SLC30A7: variants seen among roughly 807,000 people sequenced by gnomAD.
SLC30A7 encodes zinc transporter 7.
In SLC30A7, 35 loss-of-function variants were observed where a neutral mutation model predicts 46.0. That is an observed-to-expected ratio of 0.76 (90% CI 0.58 to 1.01). The LOEUF (loss-of-function observed/expected upper bound fraction) is 1.01, where lower values mean the gene tolerates loss of function less well. Among genes scored for constraint, SLC30A7 ranks in the 50% least tolerant of loss-of-function variants. The probability of loss-of-function intolerance (pLI) is 0.00; values close to 1 mark genes in which losing one functional copy is unlikely to be tolerated. For synonymous variants in SLC30A7, 147 were observed against 157.8 expected (o/e 0.93, Z 0.51); for missense variants, 464 against 451.1 (o/e 1.03, Z -0.26).
chr1:100,913,826 A>C lies in SLC30A7; in HGVS notation c.655+20A>C, dbSNP rs1297857697. On this transcript the variant is annotated intron_variant, in intron 6 of 10. Coordinates refer to ENST00000357650, the MANE Select transcript of SLC30A7 (RefSeq NM_133496.5). ...CTCATGGTGAGTACAGCCTAGAGAC[A>C]AATGGACAGCCTCCAAATAAACAAG... 1 of 1,588,316 alleles carries C rather than the reference A, an allele frequency of 6.3e-7. No homozygotes were observed. Among genetic ancestry groups the C allele is most frequent in the African/African-American group, 1.3e-5 (1 of 74,302 alleles).
At chr1:100,913,927 A>G in intron 6 of SLC30A7, 121 bp downstream of exon 6, 1 of 1,376,864 alleles carries the variant, frequency 7.3e-7, no homozygotes, top group Non-Finnish European at 9.7e-7. Flanking sequence ...CTAATGAATC[A>G]GTCTAAATGG....
rs1656520917 is a variant in SLC30A7, at chr1:100,976,524, CTG to C, written c.*1671_*1672del. On this transcript the variant is annotated 3_prime_UTR_variant, in exon 11 of 11. Coordinates refer to ENST00000357650, the MANE Select transcript of SLC30A7 (RefSeq NM_133496.5). The stretch of plus-strand genomic sequence containing the variant: ...CTTGAGCACTCTACTTAAGTATTCT[CTG>C]TGTTTTATGAAGAGAAAATGATCTG... The C allele has an allele frequency of 6.6e-6, 1 of 152,112 alleles. No individual in the cohort carries two copies. Among genetic ancestry groups the C allele is most frequent in the Non-Finnish European group, 1.5e-5 (1 of 68,024 alleles). The allele number at this position is 152,112 out of a possible 1,614,324, so 9.4% of individuals were successfully genotyped here.
At position 100,974,810 on chromosome 1, in the gene SLC30A7, G is replaced by A. The variant is rs775789583; in HGVS notation, c.1084G>A (p.Ala362Thr). 17 of 1,575,560 alleles carry A rather than the reference G, an allele frequency of 1.1e-5. No individual in the cohort carries two copies. In the East Asian group the frequency reaches 3.6e-4, roughly 33 times the overall value. ...LSQTHNIFTQ[A>T]GVRQLYVQID... ...AACTTTTTTTTTTCTTACTTTTCAG[G>A]CTGGAGTGAGACAGCTCTACGTACA... The change falls in exon 11 of 11, where the codon GCT becomes ACT. Residue 362 changes from alanine to threonine, a missense_variant and splice_region_variant. Coordinates refer to ENST00000357650, the MANE Select transcript of SLC30A7 (RefSeq NM_133496.5).
chr1:100,952,656 G>A (rs142884435), intron 8 of SLC30A7, among the ~76,000 whole-genome samples: 34 of 152,332 alleles, frequency 2.2e-4, no homozygotes, highest in African/African-American at 7.7e-4. Context: ...ACTTTGGAAT[G>A]ACTAGTTCTT....
chr1:100,993,557 T>TAA, the SLC30A7 span, among the ~76,000 whole-genome samples: 1 of 76,934 alleles, frequency 1.3e-5, no homozygotes, highest in African/African-American at 5.1e-5. Flanking sequence ...GTCGAAAATA[T>TAA]AAATATATAT....
intron 8 of SLC30A7, among the ~76,000 whole-genome samples, chr1:100,930,050 T>G (rs1176276507): frequency 3.3e-5 from 5 of 152,028 alleles, no homozygotes; most frequent in Non-Finnish European, 4.4e-5. Flanking sequence ...TTTATTCACT[T>G]AAATGAAAGG....
chr1:100,910,991 T>A, intron 3 of SLC30A7, 72 bp from the exon 4 acceptor site: 1 of 1,181,742 alleles, frequency 8.5e-7, no homozygotes, highest in South Asian at 1.3e-5. Flanking sequence ...AATCTCTGAA[T>A]GTATGTAATT....
intron 8 of SLC30A7, chr1:100,940,965 T>C: frequency 2.6e-6 from 1 of 391,490 alleles, no homozygotes; most frequent in Non-Finnish European, 5.1e-6. Flanking sequence ...GTAGTTTCCC[T>C]GTCACTTCTC....
At chr1:100,921,950 CTTTTTTT>C (rs11166531) in intron 8 of SLC30A7, 109 bp downstream of exon 8, 34 of 398,122 alleles carry the variant, frequency 8.5e-5, no homozygotes, top group East Asian at 3.1e-4. Context: ...CCTTTGCTTG[CTTTTTTT>C]TTTTTTTTTT....
At chr1:100,961,647 T>G (rs1655559403) in intron 8 of SLC30A7, among the ~76,000 whole-genome samples, 181 bp from the exon 9 acceptor site, 2 of 152,254 alleles carry the variant, frequency 1.3e-5, no homozygotes, top group Admixed American at 1.3e-4. Context: ...CTTTTATTTT[T>G]ACTTCAGATA....
chr1:100,958,149 A>G (rs1168071905), intron 8 of SLC30A7, among the ~76,000 whole-genome samples: 2 of 151,534 alleles, frequency 1.3e-5, no homozygotes, highest in African/African-American at 4.9e-5. Context: ...GTTACAGTGG[A>G]TGGCCTCAAA....
At position 100,975,560 on chromosome 1, in the gene SLC30A7, G is replaced by C. The variant is rs1290679853; in HGVS notation, c.*703G>C. 1 of 152,322 alleles carries C rather than the reference G, an allele frequency of 6.6e-6. No homozygotes were observed. The highest frequency in any genetic ancestry group is 1.9e-4 in the East Asian group (1 of 5,190). The allele number at this position is 152,322 out of a possible 1,614,324, so 9.4% of individuals were successfully genotyped here. Reference sequence around the variant, plus strand: ...TTTTTATTTTTTGAGATGGAGTCTCGCTCTGTAGCCAGGCTGGAGTGCAGT... The same window carrying C: ...TTTTTATTTTTTGAGATGGAGTCTCCCTCTGTAGCCAGGCTGGAGTGCAGT... On this transcript the variant is annotated 3_prime_UTR_variant, in exon 11 of 11. Transcript: ENST00000357650.
chr1:100,920,137 A>G (rs17408457), intron 7 of SLC30A7, among the ~76,000 whole-genome samples: 18,372 of 152,112 alleles, frequency 0.12, 1,348 homozygotes, highest in Non-Finnish European at 0.17. Context: ...AAGGAAAATC[A>G]AGAACAAATC....
At chr1:100,928,596 T>C (rs924001653) in intron 8 of SLC30A7, among the ~76,000 whole-genome samples, 20 of 152,252 alleles carry the variant, frequency 1.3e-4, no homozygotes, top group African/African-American at 4.8e-4. Flanking sequence ...ATTCTGAGAT[T>C]ATTTTATTTT....
intron 8 of SLC30A7, among the ~76,000 whole-genome samples, chr1:100,927,886 G>C (rs1226521041): frequency 6.9e-6 from 1 of 144,394 alleles, no homozygotes; most frequent in Non-Finnish European, 1.5e-5. Context: ...CCCTGTTTGG[G>C]AAGAAGTATT....
At chr1:100,914,669 TG>T (rs1414371531) in intron 6 of SLC30A7, among the ~76,000 whole-genome samples, 1 of 152,238 alleles carries the variant, frequency 6.6e-6, no homozygotes, top group African/African-American at 2.4e-5. Context: ...AGAAGCTGCT[TG>T]GGTGACACAA....
At chr1:100,902,053 A>T (rs1163858984) in intron 2 of SLC30A7, among the ~76,000 whole-genome samples, 1 of 152,218 alleles carries the variant, frequency 6.6e-6, no homozygotes, top group Admixed American at 6.5e-5. Context: ...CTCATAAGCA[A>T]TATTTTTACA....
chr1:100,939,888 T>G (rs1654243427), intron 8 of SLC30A7, among the ~76,000 whole-genome samples: 2 of 152,018 alleles, frequency 1.3e-5, no homozygotes, highest in South Asian at 4.1e-4. Context: ...CTTTTTGTGT[T>G]TATTTATAAA....
intron 8 of SLC30A7, among the ~76,000 whole-genome samples, chr1:100,935,619 A>G (rs867943598): frequency 6.6e-6 from 1 of 152,216 alleles, no homozygotes; most frequent in African/African-American, 2.4e-5. Flanking sequence ...TTTAAAGCCA[A>G]CTTTGATGAT....
Sources: gnomAD v4.1 joint callset for allele counts (sites outside exome capture counted in the v4.1 genomes callset) on GRCh38, gnomAD v4.1.1 for gene constraint, MANE v1.5 for transcripts, NCBI Gene and HGNC (gene_info 2026-07-23, HGNC 2026-07-21) for gene names.